Variants in GPC6 observed in about 807,000 individuals in gnomAD.
The protein encoded by GPC6 is glypican 6, also known as glypican-6.
A neutral mutation model predicts 55.2 loss-of-function variants in GPC6; 14 were observed. The ratio of observed to expected loss-of-function variants is 0.25; its 90% CI spans 0.17 to 0.40. The LOEUF is 0.40. Ranked by LOEUF, GPC6 falls within the 10% of genes least tolerant of loss-of-function variation. The pLI is 1.00. For synonymous variants in GPC6, 278 were observed against 259.6 expected (o/e 1.07, Z -0.68); for missense variants, 641 against 708.5 (o/e 0.90, Z 1.08).
intron 2 of GPC6, among the ~76,000 whole-genome samples, chr13:93,810,815 T>C (rs1886673944): frequency 6.6e-6 from 1 of 152,192 alleles, no homozygotes; most frequent in South Asian, 2.1e-4. Context: ...AGGATTTGCT[T>C]TAAGTTTTTA....
At chr13:93,710,124 T>A (rs1241582740) in intron 2 of GPC6, among the ~76,000 whole-genome samples, 1 of 151,818 alleles carries the variant, frequency 6.6e-6, no homozygotes, top group Non-Finnish European at 1.5e-5. Context: ...AGGAAGATCC[T>A]TTTGGTTGAA....
intron 3 of GPC6, chr13:93,836,232 A>G (rs1397762457): frequency 6.6e-6 from 1 of 152,232 alleles, no homozygotes; most frequent in Non-Finnish European, 1.5e-5. Context: ...AATGAAATAG[A>G]GGTTATCAAA....
At chr13:93,589,737 A>T (rs1459572107) in intron 2 of GPC6, among the ~76,000 whole-genome samples, 1 of 152,156 alleles carries the variant, frequency 6.6e-6, no homozygotes, top group African/African-American at 2.4e-5. Context: ...ATTTATTGTG[A>T]CCCTAAAATC....
At chr13:94,356,923 G>A (rs1878827324) in intron 6 of GPC6, among the ~76,000 whole-genome samples, 1 of 152,058 alleles carries the variant, frequency 6.6e-6, no homozygotes, top group Non-Finnish European at 1.5e-5. Flanking sequence ...AGGTAAAAAT[G>A]AAATAATGCA....
intron 2 of GPC6, among the ~76,000 whole-genome samples, chr13:93,709,511 G>T (rs1401624511): frequency 4.0e-5 from 6 of 151,610 alleles, no homozygotes; most frequent in Non-Finnish European, 7.4e-5. Flanking sequence ...ATACACTTCT[G>T]CTATGGCTAT....
intron 2 of GPC6, among the ~76,000 whole-genome samples, chr13:93,564,371 G>A (rs1384898896): frequency 6.6e-6 from 1 of 152,016 alleles, no homozygotes. Flanking sequence ...ATTTGATTTG[G>A]GGAATGAAAA....
intron 2 of GPC6, among the ~76,000 whole-genome samples, chr13:93,703,423 A>AGTCAT (rs1422952571): frequency 6.6e-6 from 1 of 152,030 alleles, no homozygotes; most frequent in Non-Finnish European, 1.5e-5. Flanking sequence ...TTTGACACAG[A>AGTCAT]GATGAGACAT....
chr13:93,955,388 C>A (rs1251624637), intron 3 of GPC6, among the ~76,000 whole-genome samples: 1 of 151,668 alleles, frequency 6.6e-6, no homozygotes, highest in Admixed American at 6.6e-5. Flanking sequence ...GCAGAGAGCA[C>A]CAGCTTCAAA....
At chr13:93,937,649 G>A (rs1878503236) in intron 3 of GPC6, among the ~76,000 whole-genome samples, 1 of 152,042 alleles carries the variant, frequency 6.6e-6, no homozygotes, top group South Asian at 2.1e-4. Context: ...CTTCATCTCG[G>A]CTCACTGCAA....
intron 1 of GPC6, among the ~76,000 whole-genome samples, chr13:93,542,269 A>G (rs1594250111): frequency 6.6e-6 from 1 of 152,172 alleles, no homozygotes; most frequent in Admixed American, 6.5e-5. Context: ...AGCACCATTT[A>G]CTAAATAGGG....
At chr13:93,494,234 T>C (rs1194114366) in intron 1 of GPC6, among the ~76,000 whole-genome samples, 1 of 132,304 alleles carries the variant, frequency 7.6e-6, no homozygotes, top group African/African-American at 2.9e-5. Flanking sequence ...ATATTTAGGA[T>C]AGTTAGCTCC....
At chr13:93,324,009 C>G (rs1253814943) in intron 1 of GPC6, among the ~76,000 whole-genome samples, 3 of 152,116 alleles carry the variant, frequency 2.0e-5, no homozygotes, top group Admixed American at 2.0e-4. Context: ...TGTTACAGCC[C>G]TGTTCACAAT....
intron 1 of GPC6, among the ~76,000 whole-genome samples, chr13:93,272,021 G>A (rs1351231748): frequency 6.6e-6 from 1 of 152,014 alleles, no homozygotes; most frequent in Admixed American, 6.6e-5. Flanking sequence ...GTTTTGTGCT[G>A]TGCTGATGGG....
At chr13:93,465,424 C>T (rs748868993) in intron 1 of GPC6, among the ~76,000 whole-genome samples, 36 of 152,196 alleles carry the variant, frequency 2.4e-4, no homozygotes, top group Admixed American at 1.6e-3. Flanking sequence ...ATAAACTTCT[C>T]GCAGTGTTCC....
At chr13:94,282,464 G>T (rs181721018) in intron 4 of GPC6, among the ~76,000 whole-genome samples, 1 of 152,124 alleles carries the variant, frequency 6.6e-6, no homozygotes, top group African/African-American at 2.4e-5. Context: ...CTCCCACTAG[G>T]TCTCTCCCAC....
intron 1 of GPC6, among the ~76,000 whole-genome samples, chr13:93,453,951 A>C (rs141904226): frequency 6.6e-6 from 1 of 152,080 alleles, no homozygotes; most frequent in African/African-American, 2.4e-5. Flanking sequence ...CCCCACCCAC[A>C]TCCTGCTGAT....
chr13:94,060,842 G>C (rs376049232), intron 4 of GPC6, among the ~76,000 whole-genome samples: 1 of 152,060 alleles, frequency 6.6e-6, no homozygotes, highest in Non-Finnish European at 1.5e-5. Flanking sequence ...TTGCCAAACC[G>C]TCTGATTAAA....
chr13:93,424,595 G>A (rs1924383), intron 1 of GPC6, among the ~76,000 whole-genome samples: 23,224 of 147,072 alleles, frequency 0.16, 2,380 homozygotes, highest in East Asian at 0.49. Context: ...GCAGAAAATA[G>A]CAAATACATG....
chr13:93,781,287 A>C (rs1361836924), intron 2 of GPC6, among the ~76,000 whole-genome samples: 4 of 152,028 alleles, frequency 2.6e-5, no homozygotes, highest in Non-Finnish European at 5.9e-5. Context: ...AAAAAAAAAA[A>C]AAAGAAAAAA....
Sources: gnomAD v4.1 joint callset for allele counts (sites outside exome capture counted in the v4.1 genomes callset) on GRCh38, gnomAD v4.1.1 for gene constraint, MANE v1.5 for transcripts, NCBI Gene and HGNC (gene_info 2026-07-23, HGNC 2026-07-21) for gene names.